Variants in SEMA6D observed in about 807,000 individuals in gnomAD.
SEMA6D encodes semaphorin 6D, also known as semaphorin-6D.
Under a neutral mutation model 106.6 loss-of-function variants are expected in SEMA6D, and 35 were observed. That is an observed-to-expected ratio of 0.33 (90% confidence interval 0.25 to 0.44). The LOEUF is 0.44. SEMA6D is among the 20% of genes least tolerant of loss of function. SEMA6D has a pLI of 1.00. For synonymous variants in SEMA6D, 499 were observed against 487.7 expected (o/e 1.02, Z -0.31); for missense variants, 1,185 against 1,345.9 (o/e 0.88, Z 1.87).
At chr15:47,268,839 A>G (rs1216629631) in intron 1 of SEMA6D, among the ~76,000 whole-genome samples, 1 of 152,096 alleles carries the variant, frequency 6.6e-6, no homozygotes, top group Non-Finnish European at 1.5e-5. Flanking sequence ...TTGAGTAATT[A>G]TGTCTCAAGA....
At chr15:47,189,063 T>C (rs1566914246) in intron 1 of SEMA6D, among the ~76,000 whole-genome samples, 2 of 152,186 alleles carry the variant, frequency 1.3e-5, no homozygotes, top group African/African-American at 2.4e-5. Context: ...ACACTAAGAC[T>C]TAAGTAGTCT....
At chr15:47,211,678 T>G (rs1265339184) in intron 1 of SEMA6D, among the ~76,000 whole-genome samples, 2 of 152,264 alleles carry the variant, frequency 1.3e-5, no homozygotes, top group East Asian at 1.9e-4. Flanking sequence ...CATGACCTTT[T>G]ATCAAAGAGG....
intron 3 of SEMA6D, among the ~76,000 whole-genome samples, chr15:47,490,491 A>G (rs2043439391): frequency 1.3e-5 from 2 of 152,126 alleles, no homozygotes; most frequent in Non-Finnish European, 2.9e-5. Flanking sequence ...TAAAAAATAT[A>G]AAAATTAGCC....
Position 47,417,938 on chromosome 15 carries a change from C to T in SEMA6D, c.-159+5466C>T, listed in dbSNP as rs1365705484. ...AAGTAAACCCAACAGATAAAAATGT[C>T]TGCATTCAAGGAAGTTAATTTTCAA... On this transcript the variant is annotated intron_variant, in intron 2 of 19. Transcript: ENST00000558014. Among the ~76,000 whole-genome samples, 3 of 151,632 alleles carry T rather than the reference C, an allele frequency of 2.0e-5. No individual in the cohort carries two copies. The East Asian group carries it at 5.8e-4, about 29-fold the overall frequency.
chr15:47,482,849 G>A (rs959187813), intron 3 of SEMA6D, among the ~76,000 whole-genome samples: 2 of 146,074 alleles, frequency 1.4e-5, no homozygotes, highest in South Asian at 4.1e-4. Context: ...ATGGCTTAGA[G>A]AGAGGATAAA....
intron 3 of SEMA6D, among the ~76,000 whole-genome samples, chr15:47,505,675 A>G (rs1194016746): frequency 6.6e-6 from 1 of 152,194 alleles, no homozygotes; most frequent in East Asian, 1.9e-4. Context: ...AATAATGAAA[A>G]TATTACATAT....
At chr15:47,414,384 G>A (rs781497566) in intron 2 of SEMA6D, among the ~76,000 whole-genome samples, 223 of 152,206 alleles carry the variant, frequency 1.5e-3, no homozygotes, top group Non-Finnish European at 2.5e-3. Context: ...AATCTTAGAT[G>A]TCAGAAGGGG....
In SEMA6D at chr15:47,247,156, A is replaced by G. The variant is rs1271502446; in HGVS notation, c.-239+62738A>G. 1.3e-5 allele frequency among the ~76,000 whole-genome samples: 2 copies of G among 152,174 alleles called. 1 individual carries two copies. Among genetic ancestry groups the G allele is most frequent in the Admixed American group, 1.3e-4 (2 of 15,276 alleles). ...TAGTCTGAGAAGTGTGTATCATCTA[A>G]CTAGGTCAAGGGCTGTTAGACCTGA... is the stretch of plus-strand genomic sequence containing the variant. On this transcript the variant is annotated intron_variant, in intron 1 of 19. Transcript: ENST00000558014.
intron 1 of SEMA6D, among the ~76,000 whole-genome samples, chr15:47,300,943 C>T: frequency 6.6e-6 from 1 of 152,292 alleles, no homozygotes; most frequent in East Asian, 1.9e-4. Flanking sequence ...TTATTGCCTG[C>T]AAGAAAATAA....
At chr15:47,225,501 GT>G (rs1353800277) in intron 1 of SEMA6D, among the ~76,000 whole-genome samples, 1 of 118,976 alleles carries the variant, frequency 8.4e-6, no homozygotes, top group Admixed American at 8.0e-5. Context: ...TTAATCGGGT[GT>G]TTTTTTCTTG....
intron 2 of SEMA6D, among the ~76,000 whole-genome samples, chr15:47,457,966 A>G (rs921312192): frequency 6.6e-6 from 1 of 152,018 alleles, no homozygotes; most frequent in African/African-American, 2.4e-5. Context: ...AGACATTGAA[A>G]ACAATGCAAG....
chr15:47,189,404 C>T (rs1027726151), intron 1 of SEMA6D, among the ~76,000 whole-genome samples: 1 of 152,122 alleles, frequency 6.6e-6, no homozygotes, highest in African/African-American at 2.4e-5. Context: ...AATCAACAAC[C>T]ATTTTCAGCT....
rs879290340 is a variant in SEMA6D at position 47,286,126 on chromosome 15, A to G, written c.-239+101708A>G. ...TCTGGGTTGGACCTGTCTAGCCTTC[A>G]TGGTCCCTTATCTCCTTGGTCTCTG... On this transcript the variant is annotated intron_variant, in intron 1 of 19. Transcript: ENST00000558014. Among the ~76,000 whole-genome samples the G allele has an allele frequency of 5.3e-5, 8 of 152,280 alleles. No individual in the cohort carries two copies. The East Asian group carries it at 5.8e-4, about 11-fold the overall frequency.
intron 2 of SEMA6D, among the ~76,000 whole-genome samples, chr15:47,448,082 G>T (rs1292683856): frequency 6.6e-6 from 1 of 152,080 alleles, no homozygotes; most frequent in Non-Finnish European, 1.5e-5. Context: ...GGTCACAGAG[G>T]CCACATTTGC....
chr15:47,732,808 T>C (rs2080207555), intron 1 of SEMA6D, among the ~76,000 whole-genome samples: 1 of 152,146 alleles, frequency 6.6e-6, no homozygotes, highest in Admixed American at 6.6e-5. Flanking sequence ...ATAAAAGATA[T>C]GACACTGCAA....
rs913770171 is a variant in SEMA6D at position 47,677,108 on chromosome 15, C to T, written c.-55+76212C>T. The stretch of plus-strand genomic sequence containing the variant: ...GAGGCAGAGCTCAGGTGATAATGCT[C>T]GCTCACCCACCACTCACCTCCTCCT... On this transcript the variant is annotated intron_variant, in intron 4 of 19. Coordinates refer to the SEMA6D transcript ENST00000558014. Among the ~76,000 whole-genome samples, 7 of 152,068 alleles carry T rather than the reference C, an allele frequency of 4.6e-5. No homozygotes were observed. The East Asian group carries it at 7.7e-4, about 17-fold the overall frequency.
intron 1 of SEMA6D, among the ~76,000 whole-genome samples, chr15:47,337,208 A>G (rs1327094254): frequency 6.6e-6 from 1 of 152,204 alleles, no homozygotes; most frequent in African/African-American, 2.4e-5. Flanking sequence ...ACCTGGGTCC[A>G]TGAAATCAGT....
chr15:47,679,506 A>G (rs1596610748), intron 4 of SEMA6D, among the ~76,000 whole-genome samples: 2 of 152,282 alleles, frequency 1.3e-5, no homozygotes, highest in Non-Finnish European at 1.5e-5. Context: ...CTGGTTTCCC[A>G]GGAGCTTCAC....
chr15:47,399,522 G>C (rs1397730301), intron 1 of SEMA6D: 1 of 152,186 alleles, frequency 6.6e-6, no homozygotes, highest in Non-Finnish European at 1.5e-5. Flanking sequence ...CTGAATTTCT[G>C]ATCCTACCAA....
Sources: gnomAD v4.1 joint callset for allele counts (sites outside exome capture counted in the v4.1 genomes callset) on GRCh38, gnomAD v4.1.1 for gene constraint, MANE v1.5 for transcripts, NCBI Gene and HGNC (gene_info 2026-07-23, HGNC 2026-07-21) for gene names.